VRK2: variants seen among roughly 807,000 people sequenced by gnomAD.
VRK2 encodes VRK serine/threonine kinase 2, also known as serine/threonine-protein kinase VRK2.
A neutral mutation model predicts 57.6 loss-of-function variants in VRK2; 60 were observed. The observed-to-expected ratio is 1.04, with a 90% CI of 0.85 to 1.29. VRK2 has a LOEUF of 1.29. Ranked by LOEUF, VRK2 falls within the 50% of genes most tolerant of loss-of-function variation. The pLI is 0.00. For missense variants in VRK2, 705 were observed against 588.1 expected (o/e 1.20, Z -2.06); for synonymous variants, 231 against 199.2 (o/e 1.16, Z -1.35).
intron 12 of VRK2, among the ~76,000 whole-genome samples, chr2:58,150,617 C>A (rs1243595933): frequency 7.2e-6 from 1 of 138,208 alleles, no homozygotes; most frequent in Non-Finnish European, 1.6e-5. Context: ...TTTAAAAAAA[C>A]CTACCATTGA....
At chr2:57,982,887 C>G (rs1390500019) in intron 1 of VRK2, among the ~76,000 whole-genome samples, 1 of 152,224 alleles carries the variant, frequency 6.6e-6, no homozygotes, top group Non-Finnish European at 1.5e-5. Flanking sequence ...ACGGGCTAGA[C>G]TTCTGTCTCT....
At chr2:58,139,997 T>C (rs988686309) in intron 11 of VRK2, among the ~76,000 whole-genome samples, 165 bp downstream of exon 11, 1 of 152,130 alleles carries the variant, frequency 6.6e-6, no homozygotes, top group Non-Finnish European at 1.5e-5. Flanking sequence ...CAAGTTCTTT[T>C]GACCTGTTGT....
intron 1 of VRK2, among the ~76,000 whole-genome samples, chr2:57,921,482 A>G (rs1381697403): frequency 1.3e-5 from 2 of 152,078 alleles, no homozygotes; most frequent in East Asian, 3.9e-4. Flanking sequence ...TTATAGGGTA[A>G]TTAGTAAAAT....
Position 57,987,306 on chromosome 2 carries a change from T to G in VRK2, c.-438-38359T>G, listed in dbSNP as rs1240585479. Among the ~76,000 whole-genome samples, 3 of 151,896 alleles carry G rather than the reference T, an allele frequency of 2.0e-5. No homozygotes were observed. In the East Asian group the frequency reaches 5.8e-4, roughly 29 times the overall value. Reference sequence around the variant, plus strand: ...AGAATATATAAACAACTCTCAAAACTCAGTAAGAAGACAAACAATCCAATA... The same window carrying G: ...AGAATATATAAACAACTCTCAAAACGCAGTAAGAAGACAAACAATCCAATA... On this transcript the variant is annotated intron_variant, in intron 1 of 15. Transcript: ENST00000417641.
At chr2:57,935,239 A>G (rs1670867632) in intron 1 of VRK2, among the ~76,000 whole-genome samples, 1 of 151,950 alleles carries the variant, frequency 6.6e-6, no homozygotes, top group African/African-American at 2.4e-5. Context: ...AAATGCCTTC[A>G]TCAGTCAGCC....
At chr2:58,122,818 T>C (rs1015827471) in intron 7 of VRK2, among the ~76,000 whole-genome samples, 1 of 152,204 alleles carries the variant, frequency 6.6e-6, no homozygotes, top group African/African-American at 2.4e-5. Context: ...TTATGATGTC[T>C]AGATGCCCAC....
At chr2:58,067,478 T>C (rs1054823443) in intron 2 of VRK2, among the ~76,000 whole-genome samples, 1 of 152,200 alleles carries the variant, frequency 6.6e-6, no homozygotes, top group African/African-American at 2.4e-5. Flanking sequence ...TTTATAGTGA[T>C]AGTCTCTCAT....
At chr2:58,139,571 G>A in intron 10 of VRK2, 95 bp from the exon 11 acceptor site, 1 of 1,122,924 alleles carries the variant, frequency 8.9e-7, no homozygotes, top group Non-Finnish European at 1.3e-6. Flanking sequence ...ATGTAAATGT[G>A]TAAAAGACAA....
chr2:57,918,137 G>A (rs1670216957), intron 1 of VRK2, among the ~76,000 whole-genome samples: 1 of 152,094 alleles, frequency 6.6e-6, no homozygotes, highest in Admixed American at 6.6e-5. Context: ...GCCACCAACT[G>A]ATGACACAGG....
chr2:58,118,905 A>G (rs567042408), intron 7 of VRK2, among the ~76,000 whole-genome samples: 2 of 152,326 alleles, frequency 1.3e-5, no homozygotes, highest in East Asian at 1.9e-4. Context: ...GGGGGTCACA[A>G]GGTGCTCAGT....
At chr2:57,968,216 G>T (rs191748887) in intron 1 of VRK2, among the ~76,000 whole-genome samples, 1 of 151,838 alleles carries the variant, frequency 6.6e-6, no homozygotes, top group Non-Finnish European at 1.5e-5. Flanking sequence ...TTAGTATGCT[G>T]AAGAAAAAGA....
At chr2:58,143,631 C>CA in intron 11 of VRK2, among the ~76,000 whole-genome samples, 1 of 151,884 alleles carries the variant, frequency 6.6e-6, no homozygotes. Flanking sequence ...GCTCCCAGGG[C>CA]AAAAACTCTT....
At chr2:58,007,957 G>T (rs1226175159) in intron 1 of VRK2, among the ~76,000 whole-genome samples, 2 of 151,954 alleles carry the variant, frequency 1.3e-5, no homozygotes, top group South Asian at 4.2e-4. Flanking sequence ...CCACAATAAT[G>T]CTGACTACTT....
At chr2:57,964,452 G>A (rs999225048) in intron 1 of VRK2, among the ~76,000 whole-genome samples, 4 of 152,054 alleles carry the variant, frequency 2.6e-5, no homozygotes, top group African/African-American at 4.8e-5. Flanking sequence ...AGGTGGAAGG[G>A]ATGGAGGAGG....
chr2:57,933,927 T>G (rs1390660467), intron 1 of VRK2, among the ~76,000 whole-genome samples: 1 of 152,186 alleles, frequency 6.6e-6, no homozygotes, highest in Non-Finnish European at 1.5e-5. Context: ...TTGTTTGTTT[T>G]GTGACCATGA....
intron 2 of VRK2, among the ~76,000 whole-genome samples, chr2:58,080,275 G>A (rs1003828248): frequency 4.6e-5 from 7 of 151,724 alleles, no homozygotes; most frequent in African/African-American, 1.7e-4. Context: ...CTTGGTATTT[G>A]TTGAGACTTG....
At chr2:58,152,059 A>G (rs1042065258) in intron 12 of VRK2, among the ~76,000 whole-genome samples, 1 of 151,798 alleles carries the variant, frequency 6.6e-6, no homozygotes, top group Non-Finnish European at 1.5e-5. Flanking sequence ...TGCAATTTAA[A>G]AAATTCTACT....
intron 7 of VRK2, among the ~76,000 whole-genome samples, chr2:58,099,263 T>C (rs1221590458): frequency 2.0e-5 from 3 of 152,062 alleles, no homozygotes; most frequent in Non-Finnish European, 4.4e-5. Context: ...CAGAGACATA[T>C]TCTTTTCATG....
chr2:57,929,680 C>A (rs1418469528), intron 1 of VRK2, among the ~76,000 whole-genome samples: 1 of 152,130 alleles, frequency 6.6e-6, no homozygotes, highest in Non-Finnish European at 1.5e-5. Flanking sequence ...TCACCTGAAG[C>A]TAGTACATCT....
Sources: allele counts gnomAD v4.1 joint callset (sites outside exome capture counted in the v4.1 genomes callset), GRCh38; gene constraint gnomAD v4.1.1; transcripts MANE v1.5; gene names NCBI Gene and HGNC (gene_info 2026-07-23, HGNC 2026-07-21).